Variants in SLIT2 observed in about 807,000 individuals in gnomAD.
SLIT2 encodes the protein slit homolog 2 protein.
A neutral mutation model predicts 185.7 loss-of-function variants in SLIT2; 41 were observed. The observed-to-expected ratio is 0.22, with a 90% CI of 0.17 to 0.29. SLIT2 has a LOEUF of 0.29. Ranked by LOEUF, SLIT2 falls within the 10% of genes least tolerant of loss-of-function variation. The pLI is 1.00. For missense variants in SLIT2, 1,571 were observed against 1,909.0 expected, an observed-to-expected ratio of 0.82 and a Z score of 3.30; for synonymous variants, 693 against 680.2, an observed-to-expected ratio of 1.02 and a Z score of -0.29.
chr4:20,544,800 C>T (rs1198621135), intron 21 of SLIT2, among the ~76,000 whole-genome samples: 2 of 152,006 alleles, frequency 1.3e-5, no homozygotes, highest in Non-Finnish European at 2.9e-5. Context: ...ATTCATAGCG[C>T]ACATTCTGAA....
At chr4:20,476,187 G>A (rs1244890178) in intron 5 of SLIT2, among the ~76,000 whole-genome samples, 2 of 152,070 alleles carry the variant, frequency 1.3e-5, no homozygotes, top group African/African-American at 4.8e-5. Context: ...TTAAAAGCAT[G>A]ATTGGCATAA....
Position 20,448,548 on chromosome 4 carries a change from C to T in SLIT2, c.396-19204C>T, listed in dbSNP as rs150954207. On this transcript the variant is annotated intron_variant, in intron 4 of 36. Coordinates refer to ENST00000504154, the MANE Select transcript of SLIT2 (RefSeq NM_004787.4). ...GTTGGAGAGGTTGGTCTTGAATTCC[C>T]GACCTCAGGTGATCCACCCACCTCA... 2.9e-3 allele frequency among the ~76,000 whole-genome samples: 446 copies of T among 152,040 alleles called. 3 individuals are homozygous for T. The highest frequency in any genetic ancestry group is 6.8e-3 in the Middle Eastern group (2 of 294).
intron 4 of SLIT2, among the ~76,000 whole-genome samples, chr4:20,339,509 A>G (rs1211867310): frequency 1.3e-5 from 2 of 152,184 alleles, no homozygotes; most frequent in East Asian, 3.9e-4. Flanking sequence ...GGAAATGGTT[A>G]AAGAGACTCT....
chr4:20,305,989 G>A (rs1348173129), intron 4 of SLIT2, among the ~76,000 whole-genome samples: 2 of 151,686 alleles, frequency 1.3e-5, no homozygotes, highest in African/African-American at 2.4e-5. Flanking sequence ...AAAGCTGTAA[G>A]TTACTCCTAT....
intron 4 of SLIT2, among the ~76,000 whole-genome samples, chr4:20,373,438 A>G (rs1309795586): frequency 6.6e-6 from 1 of 152,074 alleles, no homozygotes; most frequent in Non-Finnish European, 1.5e-5. Context: ...ACTTTCACAC[A>G]CAAGTTTAAC....
chr4:20,548,537 A>C lies in SLIT2; in HGVS notation c.2395A>C (p.Asn799His). 1 of 1,606,996 alleles carries C rather than the reference A, an allele frequency of 6.2e-7. No individual in the cohort carries two copies. The highest frequency in any genetic ancestry group is 8.5e-7 in the Non-Finnish European group (1 of 1,173,706). The change falls in exon 23 of 37, where the codon AAC (asparagine) becomes CAC (histidine). Residue 799 changes from asparagine to histidine, a missense_variant. Asn to His is a moderately conservative substitution (Grantham distance 68). Around this residue, in one of 3 missense-constraint regions of SLIT2, gnomAD observed 1,202 missense variants for 1,416.4 expected, o/e 0.85. Coordinates refer to ENST00000504154, the MANE Select transcript of SLIT2 (RefSeq NM_004787.4). ...CACGCTTTCTAATCAGAGCTTCAGC[A>C]ACATGACCCAGCTCCTCACCTTGTG... ...ISTLSNQSFS[N>H]MTQLLTLILS... is the part of the protein sequence containing the mutation.
At chr4:20,314,241 A>G (rs1718382363) in intron 4 of SLIT2, among the ~76,000 whole-genome samples, 1 of 152,174 alleles carries the variant, frequency 6.6e-6, no homozygotes, top group Non-Finnish European at 1.5e-5. Flanking sequence ...TCTGTGAAAT[A>G]TAAACAATTA....
chr4:20,562,355 C>T (rs1724763492), intron 26 of SLIT2, among the ~76,000 whole-genome samples: 1 of 151,824 alleles, frequency 6.6e-6, no homozygotes, highest in Non-Finnish European at 1.5e-5. Flanking sequence ...TTAGCCCTAT[C>T]AAATTCTCAG....
chr4:20,535,949 G>A (rs1030498673), intron 18 of SLIT2, among the ~76,000 whole-genome samples: 2 of 152,070 alleles, frequency 1.3e-5, no homozygotes, highest in African/African-American at 4.8e-5. Context: ...TAGATGATAT[G>A]GCCTACCACA....
chr4:20,418,871 G>A (rs1560407069), intron 4 of SLIT2, among the ~76,000 whole-genome samples: 2 of 152,214 alleles, frequency 1.3e-5, no homozygotes, highest in South Asian at 2.1e-4. Context: ...ATTATGGTGT[G>A]AACTGTTTGC....
At chr4:20,453,818 C>T (rs533697108) in intron 4 of SLIT2, among the ~76,000 whole-genome samples, 6 of 152,180 alleles carry the variant, frequency 3.9e-5, no homozygotes, top group African/African-American at 1.4e-4. Flanking sequence ...ATTGTACAAG[C>T]TCTAGTCGAA....
chr4:20,323,172 A>G (rs116126862), intron 4 of SLIT2, among the ~76,000 whole-genome samples: 6 of 149,428 alleles, frequency 4.0e-5, no homozygotes, highest in African/African-American at 1.5e-4. Context: ...TAAAAATTTC[A>G]GTTCCTTTTG....
chr4:20,489,318 GA>G (rs1414608025), intron 8 of SLIT2, among the ~76,000 whole-genome samples: 4 of 151,518 alleles, frequency 2.6e-5, no homozygotes, highest in African/African-American at 4.8e-5. Context: ...GTTAACAATT[GA>G]AAAAAAATGA....
At chr4:20,394,850 A>C (rs542646025) in intron 4 of SLIT2, 1 of 152,242 alleles carries the variant, frequency 6.6e-6, no homozygotes, top group Non-Finnish European at 1.5e-5. Flanking sequence ...ACTGAGGTCT[A>C]ATACTATAGT....
At chr4:20,349,384 G>A (rs1444969701) in intron 4 of SLIT2, among the ~76,000 whole-genome samples, 3 of 152,236 alleles carry the variant, frequency 2.0e-5, no homozygotes, top group South Asian at 2.1e-4. Flanking sequence ...TGTACAGAAC[G>A]TCTTGCCCTT....
At chr4:20,371,598 G>C (rs954328132) in intron 4 of SLIT2, among the ~76,000 whole-genome samples, 2 of 151,950 alleles carry the variant, frequency 1.3e-5, no homozygotes, top group Non-Finnish European at 2.9e-5. Flanking sequence ...CAGGCTTCCT[G>C]TGCCTAAGTT....
chr4:20,495,394 A>G (rs1718143823), intron 9 of SLIT2, among the ~76,000 whole-genome samples: 1 of 152,216 alleles, frequency 6.6e-6, no homozygotes, highest in Non-Finnish European at 1.5e-5. Flanking sequence ...GAATTGGTCA[A>G]ATCCAGATCA....
At chr4:20,261,933 T>G (rs1712520933) in intron 3 of SLIT2, among the ~76,000 whole-genome samples, 1 of 151,794 alleles carries the variant, frequency 6.6e-6, no homozygotes, top group Non-Finnish European at 1.5e-5. Context: ...TTGCTTTAAC[T>G]TCTCCTAGTG....
chr4:20,545,655 T>A (rs1723182555), intron 21 of SLIT2, among the ~76,000 whole-genome samples: 2 of 152,068 alleles, frequency 1.3e-5, no homozygotes. Flanking sequence ...AAGGCAGCAA[T>A]GAGTGGTCTT....
Sources: allele counts gnomAD v4.1 joint callset (sites outside exome capture counted in the v4.1 genomes callset), GRCh38; gene constraint gnomAD v4.1.1; regional missense constraint gnomAD v4.1.1; transcripts MANE v1.5; gene names NCBI Gene and HGNC (gene_info 2026-07-23, HGNC 2026-07-21).